The following DHTKD1 variants were observed in gnomAD, a reference collection of about 807,000 sequenced individuals.
DHTKD1 encodes 2-oxoadipate dehydrogenase complex component E1.
A neutral mutation model predicts 101.8 loss-of-function variants in DHTKD1; 78 were observed. The observed-to-expected ratio is 0.77, with a 90% CI of 0.64 to 0.93. The LOEUF (loss-of-function observed/expected upper bound fraction) is 0.93. Ranked by LOEUF, DHTKD1 falls within the 40% of genes least tolerant of loss-of-function variation. DHTKD1 has a pLI of 0.00. For synonymous variants in DHTKD1, 462 were observed against 450.3 expected (o/e 1.03, Z -0.33); for missense variants, 1,223 against 1,161.7 (o/e 1.05, Z -0.77).
intron 1 of DHTKD1, among the ~76,000 whole-genome samples, chr10:12,077,103 T>C (rs1482751730): frequency 1.3e-5 from 2 of 150,006 alleles, no homozygotes; most frequent in South Asian, 4.2e-4. Flanking sequence ...TATAAGTATA[T>C]ATAATTACAT....
intron 8 of DHTKD1, among the ~76,000 whole-genome samples, chr10:12,098,881 A>G (rs544678094): frequency 6.6e-6 from 1 of 152,252 alleles, no homozygotes; most frequent in East Asian, 1.9e-4. Flanking sequence ...ATTTTCAAAC[A>G]CTAACTTGGC....
intron 15 of DHTKD1, among the ~76,000 whole-genome samples, chr10:12,119,572 C>T (rs1344635538): frequency 7.1e-5 from 10 of 141,278 alleles, no homozygotes; most frequent in African/African-American, 1.9e-4. Flanking sequence ...GCCGAGATTG[C>T]GCTACTGCAC....
At chr10:12,100,921 ACTAT>A (rs1373510666) in intron 9 of DHTKD1, 117 bp from the exon 10 acceptor site, 1 of 968,444 alleles carries the variant, frequency 1.0e-6, no homozygotes, top group Non-Finnish European at 1.6e-6. Context: ...TATATTAATA[ACTAT>A]CTGTTATCCT....
Position 12,100,167 on chromosome 10 carries a change from G to A in DHTKD1, c.1672-11G>A. On this transcript the variant is annotated splice_polypyrimidine_tract_variant and intron_variant, in intron 8 of 16. Transcript: ENST00000263035. ...AGACGTTCCTTTTTTTTCTTCCTCTGAATTTTACAGTCCAGAATGGAGAAG... is the reference window on the plus strand; with the variant it reads ...AGACGTTCCTTTTTTTTCTTCCTCTAAATTTTACAGTCCAGAATGGAGAAG... The A allele has an allele frequency of 6.6e-7, 1 of 1,518,906 alleles. No individual in the cohort carries two copies. The highest frequency in any genetic ancestry group is 1.2e-5 in the South Asian group (1 of 81,562). 94.1% of individuals were successfully genotyped at this position (1,518,906 alleles called of 1,614,324 possible).
At chr10:12,100,102 A>C (rs965190292) in intron 8 of DHTKD1, 76 bp from the exon 9 acceptor site, 3 of 855,820 alleles carry the variant, frequency 3.5e-6, no homozygotes, top group Non-Finnish European at 5.5e-6. Context: ...GGCCTGCATT[A>C]AATTTTTTGT....
At chr10:12,100,285 C>CTGTTTTTTTTTTTTTTTTTTTT in intron 9 of DHTKD1, 23 bp downstream of exon 9, 3 of 228,240 alleles carry the variant, frequency 1.3e-5, no homozygotes, top group Admixed American at 8.7e-5. Context: ...TTTTTTTTTT[C>CTGTTTTTTTTTTTTTTTTTTTT]TGTTTTTTTT....
chr10:12,117,572 A>G (rs898474663), intron 13 of DHTKD1, 101 bp from the exon 14 acceptor site: 2 of 749,976 alleles, frequency 2.7e-6, no homozygotes, highest in Admixed American at 4.1e-5. Flanking sequence ...TTGCAGTGCT[A>G]GGCTAGAACT....
chr10:12,112,173 G>T (rs1349327535), intron 12 of DHTKD1, among the ~76,000 whole-genome samples: 3 of 152,072 alleles, frequency 2.0e-5, no homozygotes, highest in Non-Finnish European at 4.4e-5. Flanking sequence ...AATTAGTCAG[G>T]TGTGGTAGCA....
chr10:12,119,329 G>A (rs1377332317), intron 15 of DHTKD1, among the ~76,000 whole-genome samples: 1 of 144,486 alleles, frequency 6.9e-6, no homozygotes, highest in Non-Finnish European at 1.5e-5. Flanking sequence ...TGAAAATTTG[G>A]TACAGGCGGG....
chr10:12,108,790 C>T (rs1192908362), intron 12 of DHTKD1, among the ~76,000 whole-genome samples: 1 of 152,024 alleles, frequency 6.6e-6, no homozygotes, highest in Non-Finnish European at 1.5e-5. Flanking sequence ...CTTGTTTTTT[C>T]ACATATCTAT....
intron 6 of DHTKD1, 70 bp from the exon 7 acceptor site, chr10:12,094,003 T>G: frequency 7.6e-7 from 1 of 1,318,262 alleles, no homozygotes; most frequent in South Asian, 1.2e-5. Flanking sequence ...ATGCAGGAAG[T>G]AGGGCTTAGA....
At chr10:12,095,979 A>G (rs1380149601) in intron 7 of DHTKD1, among the ~76,000 whole-genome samples, 5 of 152,158 alleles carry the variant, frequency 3.3e-5, no homozygotes, top group Non-Finnish European at 7.3e-5. Flanking sequence ...ACTGCATTCC[A>G]GCCTGGGCGA....
chr10:12,092,734 C>T (rs921055387), intron 6 of DHTKD1, among the ~76,000 whole-genome samples: 4 of 151,806 alleles, frequency 2.6e-5, no homozygotes, highest in Admixed American at 6.6e-5. Context: ...ACCTGGGAGG[C>T]GGAGGTTGCA....
At position 12,069,169 on chromosome 10, in the gene DHTKD1, G is replaced by T; in HGVS notation, c.136G>T (p.Ala46Ser). 1 of 1,555,748 alleles carries T rather than the reference G, an allele frequency of 6.4e-7. No homozygotes were observed. The highest frequency in any genetic ancestry group is 1.2e-5 in the South Asian group (1 of 85,146). Residue 46 changes from alanine to serine, a missense_variant, in exon 1 of 17, where the codon GCC becomes TCC. Transcript: ENST00000263035. Reference protein sequence around the residue: ...RKPESREPQGALERPPVDHGL... With the variant: ...RKPESREPQGSLERPPVDHGL... ...GCCCGAGAGCCGCGAGCCCCAGGGC[G>T]CCCTGGAGCGCCCCCCAGGTCGGGG...
intron 1 of DHTKD1, among the ~76,000 whole-genome samples, chr10:12,070,985 T>C (rs1832642671): frequency 6.6e-6 from 1 of 152,130 alleles, no homozygotes; most frequent in Non-Finnish European, 1.5e-5. Flanking sequence ...AAACCAAATG[T>C]TTTGTCCTGT....
intron 11 of DHTKD1, 32 bp downstream of exon 11, chr10:12,106,428 G>A: frequency 6.2e-7 from 1 of 1,610,426 alleles, no homozygotes; most frequent in African/African-American, 1.3e-5. Flanking sequence ...GGGTACAGGT[G>A]GGGGTCCCTG....
intron 9 of DHTKD1, 138 bp from the exon 10 acceptor site, chr10:12,100,904 G>A: frequency 1.2e-6 from 1 of 838,380 alleles, no homozygotes; most frequent in South Asian, 1.7e-5. Context: ...TTGAATATTG[G>A]ACAGCATATA....
At chr10:12,108,873 C>T (rs9423861) in intron 12 of DHTKD1, among the ~76,000 whole-genome samples, 134,272 of 152,208 alleles carry the variant, frequency 0.88, 59,337 homozygotes, top group East Asian at 0.98. Context: ...AGACATTAGC[C>T]GGGTGCAGTG....
intron 1 of DHTKD1, among the ~76,000 whole-genome samples, chr10:12,076,686 T>C (rs1328421100): frequency 6.7e-6 from 1 of 148,602 alleles, no homozygotes; most frequent in Non-Finnish European, 1.5e-5. Context: ...CGGGACGGAG[T>C]TTTGCTGTGT....
Sources: allele counts gnomAD v4.1 joint callset (sites outside exome capture counted in the v4.1 genomes callset), GRCh38; gene constraint gnomAD v4.1.1; transcripts MANE v1.5; gene names NCBI Gene and HGNC (gene_info 2026-07-23, HGNC 2026-07-21).